The following ASPRV1 variants were observed in gnomAD, a reference collection of about 807,000 sequenced individuals.
ASPRV1 encodes aspartic peptidase retroviral like 1, also known as retroviral-like aspartic protease 1.
Under a neutral mutation model 11.0 loss-of-function variants are expected in ASPRV1, and 7 were observed. The ratio of observed to expected loss-of-function variants is 0.64; its 90% CI spans 0.36 to 1.20. The LOEUF (loss-of-function observed/expected upper bound fraction) is 1.20, where lower values mean the gene tolerates loss of function less well. Among genes scored for constraint, ASPRV1 ranks in the 50% most tolerant of loss-of-function variants. The pLI, the probability that ASPRV1 is intolerant of heterozygous loss-of-function variation, is 0.02. For missense variants in ASPRV1, 299 were observed against 320.0 expected (o/e 0.93, Z 0.50); for synonymous variants, 136 against 138.4 (o/e 0.98, Z 0.12).
upstream of ASPRV1, chr2:69,962,665 G>A (rs564281700): frequency 6.3e-6 from 1 of 158,306 alleles, no homozygotes; most frequent in Non-Finnish European, 1.4e-5. Flanking sequence ...GGGCTGTGCA[G>A]GGGCTGTTGA....
the ASPRV1 span, among the ~76,000 whole-genome samples, chr2:70,020,470 C>T: frequency 2.0e-5 from 3 of 152,136 alleles, no homozygotes; most frequent in Admixed American, 6.6e-5. Flanking sequence ...GGGCCGGGCA[C>T]GGTGGCTCAT....
the ASPRV1 span, among the ~76,000 whole-genome samples, chr2:70,023,762 C>CT: frequency 1.3e-5 from 2 of 151,198 alleles, no homozygotes; most frequent in African/African-American, 4.9e-5. Context: ...TTTAAAAGTC[C>CT]TTTTTTCTAT....
At chr2:70,005,186 A>G in the ASPRV1 span, among the ~76,000 whole-genome samples, 1 of 152,136 alleles carries the variant, frequency 6.6e-6, no homozygotes, top group Non-Finnish European at 1.5e-5. Context: ...CAGCCTCCTG[A>G]GTAGCTGGGA....
At chr2:69,949,152 G>C in the ASPRV1 span, among the ~76,000 whole-genome samples, 2 of 152,050 alleles carry the variant, frequency 1.3e-5, no homozygotes, top group Admixed American at 6.6e-5. Flanking sequence ...TGTTCACACG[G>C]ACCTCTGCCG....
At chr2:70,061,861 G>C in the ASPRV1 span, among the ~76,000 whole-genome samples, 1 of 151,964 alleles carries the variant, frequency 6.6e-6, no homozygotes, top group African/African-American at 2.4e-5. Flanking sequence ...TACTCTGCAG[G>C]CTGAGGCAGG....
At chr2:69,964,299 G>C, upstream of ASPRV1, 1 of 449,396 alleles carries the variant, frequency 2.2e-6, no homozygotes, top group Non-Finnish European at 4.5e-6. Context: ...ATGGCCCTTC[G>C]GGCTGTGTCT....
At chr2:69,944,269 G>A in the ASPRV1 span, among the ~76,000 whole-genome samples, 1 of 152,208 alleles carries the variant, frequency 6.6e-6, no homozygotes, top group African/African-American at 2.4e-5. Context: ...CCCACAAGAT[G>A]ACAAATCTTA....
At chr2:69,939,836 C>T in the ASPRV1 span, 1 of 152,452 alleles carries the variant, frequency 6.6e-6, no homozygotes, top group Non-Finnish European at 1.5e-5. Flanking sequence ...CCACCCCACG[C>T]TCCCCTGCGG....
rs373484340 is a variant in ASPRV1 at position 69,961,469 on chromosome 2, C to T, written c.-33G>A. 214 of 1,613,988 alleles carry T rather than the reference C, an allele frequency of 1.3e-4. No individual in the cohort carries two copies. The highest frequency in any genetic ancestry group is 1.8e-4 in the Non-Finnish European group (208 of 1,180,042). On this transcript the variant is annotated 5_prime_UTR_variant, in exon 1 of 1. Coordinates refer to ENST00000320256, the MANE Select transcript of ASPRV1 (RefSeq NM_152792.4). ...CTCTCCTCTGGAACCTCAGCAGCAA[C>T]CCACGCCAAGAAGAGAAACCCACAG...
the ASPRV1 span, among the ~76,000 whole-genome samples, chr2:69,976,897 C>T: frequency 0.2 from 30,728 of 152,084 alleles, 5,899 homozygotes; most frequent in African/African-American, 0.5. Context: ...GAGACACAAA[C>T]TGGGCAAAAA....
chr2:69,995,766 G>A, the ASPRV1 span, among the ~76,000 whole-genome samples: 1 of 152,176 alleles, frequency 6.6e-6, no homozygotes, highest in Admixed American at 6.5e-5. Context: ...GAAGCCTGGA[G>A]AGGCCTGGGA....
chr2:70,062,965 A>G, the ASPRV1 span, among the ~76,000 whole-genome samples: 1 of 152,140 alleles, frequency 6.6e-6, no homozygotes, highest in South Asian at 2.1e-4. Flanking sequence ...CAGCTCTCTT[A>G]GGTTGGTTTT....
chr2:69,961,470 C>A lies in ASPRV1; in HGVS notation c.-34G>T. 2 of 1,614,092 alleles carry A rather than the reference C, an allele frequency of 1.2e-6. No homozygotes were observed. The highest frequency in any genetic ancestry group is 1.7e-6 in the Non-Finnish European group (2 of 1,180,038). ...TCTCCTCTGGAACCTCAGCAGCAAC[C>A]CACGCCAAGAAGAGAAACCCACAGA... On this transcript the variant is annotated 5_prime_UTR_variant, in exon 1 of 1. Coordinates refer to ENST00000320256, the MANE Select transcript of ASPRV1 (RefSeq NM_152792.4).
At chr2:69,947,360 C>G in the ASPRV1 span, among the ~76,000 whole-genome samples, 1 of 152,048 alleles carries the variant, frequency 6.6e-6, no homozygotes, top group African/African-American at 2.4e-5. Flanking sequence ...ATTGCTTTCC[C>G]CTGAAAAACA....
chr2:70,070,981 C>T, the ASPRV1 span, among the ~76,000 whole-genome samples: 1 of 152,244 alleles, frequency 6.6e-6, no homozygotes, highest in Non-Finnish European at 1.5e-5. Flanking sequence ...CAGTCCCTGG[C>T]AGTCTGGGTT....
At chr2:70,077,180 A>C in the ASPRV1 span, 1 of 152,186 alleles carries the variant, frequency 6.6e-6, no homozygotes, top group African/African-American at 2.4e-5. Context: ...TGCCCGGTTC[A>C]TCAAAGCTGG....
chr2:69,989,108 C>T, the ASPRV1 span, among the ~76,000 whole-genome samples: 1 of 152,214 alleles, frequency 6.6e-6, no homozygotes, highest in Non-Finnish European at 1.5e-5. Flanking sequence ...GGGGATAGGG[C>T]CCAGAGGGCA....
the ASPRV1 span, among the ~76,000 whole-genome samples, chr2:70,055,388 C>T: frequency 1.3e-5 from 2 of 152,060 alleles, no homozygotes; most frequent in Admixed American, 1.3e-4. Context: ...AACCCAAATG[C>T]CCATTAATGA....
the ASPRV1 span, among the ~76,000 whole-genome samples, chr2:70,044,915 T>C: frequency 2.0e-5 from 3 of 152,332 alleles, no homozygotes; most frequent in East Asian, 1.9e-4. Context: ...ATGTAGATGA[T>C]AGGACAGAGC....
Sources: allele counts gnomAD v4.1 joint callset (sites outside exome capture counted in the v4.1 genomes callset), GRCh38; gene constraint gnomAD v4.1.1; transcripts MANE v1.5; gene names NCBI Gene and HGNC (gene_info 2026-07-23, HGNC 2026-07-21).